The following PIK3C2G variants were observed in gnomAD, a reference collection of about 807,000 sequenced individuals.
PIK3C2G encodes phosphatidylinositol-4-phosphate 3-kinase catalytic subunit type 2 gamma.
Under a neutral mutation model 181.1 loss-of-function variants are expected in PIK3C2G, and 168 were observed. That is an observed-to-expected ratio of 0.93 (90% CI 0.82 to 1.05). The LOEUF (loss-of-function observed/expected upper bound fraction) is 1.05, where lower values mean the gene tolerates loss of function less well. Ranked by LOEUF, PIK3C2G falls within the 50% of genes least tolerant of loss-of-function variation. The pLI, the probability that PIK3C2G is intolerant of heterozygous loss-of-function variation, is 0.00. For synonymous variants in PIK3C2G, 573 were observed against 592.2 expected (o/e 0.97, Z 0.47); for missense variants, 1,869 against 1,732.8 (o/e 1.08, Z -1.40).
chr12:18,471,694 C>A (rs1444679137), intron 18 of PIK3C2G, among the ~76,000 whole-genome samples: 1 of 152,122 alleles, frequency 6.6e-6, no homozygotes, highest in East Asian at 1.9e-4. Context: ...ATGGTAATTT[C>A]TTCCTAACTG....
chr12:18,303,147 T>C (rs969082367), intron 5 of PIK3C2G, among the ~76,000 whole-genome samples: 2 of 150,586 alleles, frequency 1.3e-5, no homozygotes, highest in Non-Finnish European at 3.0e-5. Flanking sequence ...TCTTTTCTTT[T>C]CTTTCTTCTT....
chr12:18,628,567 TCAA>T (rs1949205449), intron 31 of PIK3C2G, among the ~76,000 whole-genome samples: 1 of 152,172 alleles, frequency 6.6e-6, no homozygotes, highest in Non-Finnish European at 1.5e-5. Context: ...CATTTAGAGG[TCAA>T]CATTGTGAAC....
chr12:18,477,395 G>A (rs1355676779), intron 18 of PIK3C2G, among the ~76,000 whole-genome samples: 4 of 152,122 alleles, frequency 2.6e-5, no homozygotes, highest in Non-Finnish European at 5.9e-5. Flanking sequence ...GAAACGAACT[G>A]ATAGAGTGAA....
rs559238964 is a variant in PIK3C2G at position 18,284,022 on chromosome 12, G to A, written c.678+1263G>A. ...GTGCCTGCAGTTCCAAGTTGCAGAA[G>A]CAGCTGTGATTTGACAAGCAGAGTG... On this transcript the variant is annotated intron_variant, in intron 2 of 32. Coordinates refer to ENST00000538779, the MANE Select transcript of PIK3C2G (RefSeq NM_001288772.2). Among the ~76,000 whole-genome samples, 3 of 152,158 alleles carry A rather than the reference G, an allele frequency of 2.0e-5. No individual in the cohort carries two copies. In the South Asian group the frequency reaches 6.2e-4, roughly 32 times the overall value.
chr12:18,558,907 C>G (rs972874777), intron 26 of PIK3C2G, among the ~76,000 whole-genome samples: 2 of 152,140 alleles, frequency 1.3e-5, no homozygotes, highest in African/African-American at 2.4e-5. Context: ...TATACAAACT[C>G]TAAAAGGGCG....
In PIK3C2G at chr12:18,431,640, G is replaced by T. The variant is rs138071900; in HGVS notation, c.2504+7601G>T. 4.7e-3 allele frequency among the ~76,000 whole-genome samples: 718 copies of T among 152,236 alleles called. 6 individuals are homozygous for T. The highest frequency in any genetic ancestry group is 0.017 in the African/African-American group (694 of 41,544). On this transcript the variant is annotated intron_variant, in intron 18 of 32. Coordinates refer to ENST00000538779, the MANE Select transcript of PIK3C2G (RefSeq NM_001288772.2). ...GGGGAAAGAGCTGTACTTCAGGGAG[G>T]TCTTGCAGAGCAATACAGCACACAT...
intron 8 of PIK3C2G, among the ~76,000 whole-genome samples, chr12:18,335,910 T>C (rs1234976033): frequency 6.6e-6 from 1 of 152,158 alleles, no homozygotes; most frequent in African/African-American, 2.4e-5. Flanking sequence ...ACTAGCTACC[T>C]AGTGACCCAA....
the PIK3C2G span, among the ~76,000 whole-genome samples, chr12:18,687,635 G>C: frequency 4.6e-5 from 7 of 151,896 alleles, no homozygotes; most frequent in Admixed American, 6.6e-5. Context: ...CTATCAGTAG[G>C]CTTCTATGGC....
chr12:18,630,457 A>T (rs1041250667), intron 31 of PIK3C2G, among the ~76,000 whole-genome samples: 1 of 152,126 alleles, frequency 6.6e-6, no homozygotes, highest in African/African-American at 2.4e-5. Flanking sequence ...GATTCCAAGC[A>T]AAAACTTTTA....
the PIK3C2G span, among the ~76,000 whole-genome samples, chr12:18,707,805 G>T: frequency 6.6e-6 from 1 of 152,216 alleles, no homozygotes; most frequent in African/African-American, 2.4e-5. Flanking sequence ...CAGCTGGGAA[G>T]TCTCATTGAG....
At position 18,335,047 on chromosome 12, in the gene PIK3C2G, G is replaced by T. The variant is rs78338505; in HGVS notation, c.1273-3379G>T. ...CCCCAGAGACACACAGAGCACAGAC[G>T]AGGGTTCAGTTCCTCACATAATCAT... On this transcript the variant is annotated intron_variant, in intron 8 of 32. Coordinates refer to ENST00000538779, the MANE Select transcript of PIK3C2G (RefSeq NM_001288772.2). Among the ~76,000 whole-genome samples, 1,488 of 152,140 alleles carry T rather than the reference G, an allele frequency of 9.8e-3. 24 individuals are homozygous for T. The highest frequency in any genetic ancestry group is 0.034 in the African/African-American group (1,431 of 41,510).
intron 22 of PIK3C2G, among the ~76,000 whole-genome samples, chr12:18,501,635 A>G (rs1315029284): frequency 1.3e-5 from 2 of 152,246 alleles, no homozygotes; most frequent in African/African-American, 4.8e-5. Flanking sequence ...TAAATAGTGT[A>G]TGATATATAC....
intron 29 of PIK3C2G, among the ~76,000 whole-genome samples, chr12:18,584,062 T>C (rs573123468): frequency 2.0e-5 from 3 of 151,774 alleles, no homozygotes; most frequent in Non-Finnish European, 2.9e-5. Flanking sequence ...AGAGTCTCGC[T>C]CTGTCGCCCA....
intron 31 of PIK3C2G, among the ~76,000 whole-genome samples, chr12:18,617,200 T>TA (rs1282819989): frequency 1.3e-5 from 2 of 152,092 alleles, no homozygotes; most frequent in African/African-American, 4.8e-5. Flanking sequence ...TTTGTCCTTA[T>TA]AAAAAATTTG....
chr12:18,448,124 G>A (rs968461944), intron 18 of PIK3C2G, among the ~76,000 whole-genome samples: 2 of 152,022 alleles, frequency 1.3e-5, no homozygotes, highest in Non-Finnish European at 2.9e-5. Context: ...AATAATAATT[G>A]TTAGAGCAAA....
chr12:18,406,600 C>A (rs945507885), intron 16 of PIK3C2G, among the ~76,000 whole-genome samples: 1 of 151,976 alleles, frequency 6.6e-6, no homozygotes, highest in African/African-American at 2.4e-5. Context: ...GAGCTTCCAG[C>A]GTGCTTACAA....
chr12:18,479,389 G>C (rs1468196876), intron 18 of PIK3C2G, among the ~76,000 whole-genome samples: 1 of 152,190 alleles, frequency 6.6e-6, no homozygotes, highest in Non-Finnish European at 1.5e-5. Context: ...GCAAGGGCTG[G>C]GGAGTCAGAC....
the PIK3C2G span, chr12:18,715,742 T>C: frequency 6.6e-6 from 1 of 152,224 alleles, no homozygotes; most frequent in African/African-American, 2.4e-5. Flanking sequence ...ACGCAAGTCA[T>C]CATCCCACTT....
chr12:18,609,335 GAGTT>G (rs1223972598), intron 30 of PIK3C2G, among the ~76,000 whole-genome samples, 196 bp from the exon 31 acceptor site: 3 of 152,112 alleles, frequency 2.0e-5, no homozygotes, highest in Admixed American at 6.6e-5. Context: ...ATTAGGGGAA[GAGTT>G]AGTTAAAGAT....
Sources: allele counts gnomAD v4.1 joint callset (sites outside exome capture counted in the v4.1 genomes callset), GRCh38; gene constraint gnomAD v4.1.1; transcripts MANE v1.5; gene names NCBI Gene and HGNC (gene_info 2026-07-23, HGNC 2026-07-21).